Variants in ZNF431 observed in about 807,000 individuals in gnomAD.
ZNF431 encodes the protein zinc finger protein 431.
Under a neutral mutation model 57.0 loss-of-function variants are expected in ZNF431, and 34 were observed. The observed-to-expected ratio is 0.60, with a 90% CI of 0.45 to 0.79. The LOEUF (loss-of-function observed/expected upper bound fraction) is 0.79. Ranked by LOEUF, ZNF431 falls within the 30% of genes least tolerant of loss-of-function variation. The probability of loss-of-function intolerance (pLI) is 0.00; values close to 1 mark genes in which losing one functional copy is unlikely to be tolerated. For synonymous variants in ZNF431, 207 were observed against 220.3 expected (o/e 0.94, Z 0.54); for missense variants, 607 against 667.1 (o/e 0.91, Z 0.99).
At chr19:21,179,856 G>A (rs866998459) in intron 4 of ZNF431, among the ~76,000 whole-genome samples, 2 of 151,918 alleles carry the variant, frequency 1.3e-5, no homozygotes, top group Non-Finnish European at 2.9e-5. Flanking sequence ...CACCACGCCC[G>A]GCTACATTGT....
chr19:21,183,328 A>C lies in ZNF431; in HGVS notation c.1025A>C (p.Lys342Thr). 1 of 1,613,920 alleles carries C rather than the reference A, an allele frequency of 6.2e-7. No homozygotes were observed. The highest frequency in any genetic ancestry group is 1.1e-5 in the South Asian group (1 of 91,070). Residue 342 changes from lysine (K) to threonine (T), a missense_variant, in exon 5 of 5, where the codon AAA (lysine) becomes ACA (threonine). Physicochemically the swap from Lys to Thr is moderately conservative, Grantham distance 78 (BLOSUM62 -1). Coordinates refer to ENST00000311048, the MANE Select transcript of ZNF431 (RefSeq NM_133473.4). ...STHKFIHAGEKPYKCEECDKA... is the reference protein window; with the variant it reads ...STHKFIHAGETPYKCEECDKA... ...CATAAGTTCATTCATGCTGGAGAGA[A>C]ACCCTACAAATGTGAGGAATGTGAC... is the stretch of plus-strand genomic sequence containing the variant.
intron 4 of ZNF431, among the ~76,000 whole-genome samples, chr19:21,171,535 A>ATG (rs985887626): frequency 6.6e-6 from 1 of 151,718 alleles, no homozygotes; most frequent in Non-Finnish European, 1.5e-5. Context: ...ATCAGATTAT[A>ATG]TGTGTGTGTG....
intron 4 of ZNF431, among the ~76,000 whole-genome samples, chr19:21,180,548 C>T (rs1426385258): frequency 4.7e-5 from 7 of 147,404 alleles, no homozygotes; most frequent in Non-Finnish European, 1.1e-4. Context: ...TATGCTTTTA[C>T]TTCTTTCTCA....
At chr19:21,147,651 G>T (rs1360828806) in intron 2 of ZNF431, among the ~76,000 whole-genome samples, 1 of 151,502 alleles carries the variant, frequency 6.6e-6, no homozygotes, top group Non-Finnish European at 1.5e-5. Context: ...GGTTAGCTCT[G>T]TGTCATATAA....
intron 3 of ZNF431, among the ~76,000 whole-genome samples, chr19:21,167,164 CTTT>C (rs781098845): frequency 7.0e-6 from 1 of 142,456 alleles, no homozygotes. Flanking sequence ...GGCTAAAACA[CTTT>C]TTTTTTTTTT....
At chr19:21,156,420 T>C (rs1433671273) in intron 2 of ZNF431, among the ~76,000 whole-genome samples, 3 of 152,212 alleles carry the variant, frequency 2.0e-5, no homozygotes, top group Non-Finnish European at 4.4e-5. Flanking sequence ...AGCTTTGTTA[T>C]ATAGGTAAAA....
intron 4 of ZNF431, among the ~76,000 whole-genome samples, chr19:21,178,793 T>TG (rs1971128843): frequency 6.7e-6 from 1 of 148,570 alleles, no homozygotes; most frequent in African/African-American, 2.5e-5. Flanking sequence ...ACTTGAAGGT[T>TG]TGTGTGTGTG....
intron 2 of ZNF431, among the ~76,000 whole-genome samples, chr19:21,154,207 C>T (rs2144951386): frequency 6.6e-6 from 1 of 152,212 alleles, no homozygotes; most frequent in East Asian, 1.9e-4. Context: ...GTGTGATGTT[C>T]CCCTTCCTGT....
At chr19:21,167,506 A>C in intron 3 of ZNF431, 65 bp from the exon 4 acceptor site, 1 of 1,185,028 alleles carries the variant, frequency 8.4e-7, no homozygotes, top group African/African-American at 1.6e-5. Context: ...TTTACTGAGC[A>C]CAGTACTAGG....
chr19:21,181,585 G>A (rs989152962), intron 4 of ZNF431, among the ~76,000 whole-genome samples: 5 of 151,794 alleles, frequency 3.3e-5, no homozygotes, highest in African/African-American at 4.8e-5. Context: ...GTATCCTAGT[G>A]TATTTGTTGA....
chr19:21,149,509 C>T (rs1970204994), intron 2 of ZNF431: 1 of 170,482 alleles, frequency 5.9e-6, no homozygotes, highest in African/African-American at 2.4e-5. Context: ...TTTCATATCA[C>T]ACACACAACA....
At chr19:21,175,408 G>T (rs778773271) in intron 4 of ZNF431, 4 of 695,648 alleles carry the variant, frequency 5.8e-6, no homozygotes, top group South Asian at 4.5e-5. Flanking sequence ...CAGTTTTATT[G>T]TTGTTCTTTT....
At chr19:21,161,963 T>C (rs1186301639) in intron 2 of ZNF431, among the ~76,000 whole-genome samples, 1 of 151,840 alleles carries the variant, frequency 6.6e-6, no homozygotes, top group Non-Finnish European at 1.5e-5. Context: ...GTTCACCCCT[T>C]GTTTTTTGTT....
At chr19:21,153,758 C>A (rs1970342163) in intron 2 of ZNF431, among the ~76,000 whole-genome samples, 1 of 152,056 alleles carries the variant, frequency 6.6e-6, no homozygotes, top group African/African-American at 2.4e-5. Context: ...CTCTTGTTGT[C>A]CAGTTTGGAG....
Position 21,184,212 on chromosome 19 carries a change from TG to T in ZNF431, c.*180del. The T allele has an allele frequency of 1.9e-6, 1 of 536,476 alleles. No individual in the cohort carries two copies. The highest frequency in any genetic ancestry group is 3.0e-5 in the South Asian group (1 of 33,274). 33.2% of individuals were successfully genotyped at this position (536,476 alleles called of 1,614,324 possible). A position where few individuals can be genotyped will look rare whatever the true frequency, so the allele number is the denominator to read the frequency against. ...TAAAAATACAAAAATTATCTGGGTG[TG>T]GTGGCACGTGCCTGTATTCCCATCT... On this transcript the variant is annotated 3_prime_UTR_variant, in exon 5 of 5. Transcript: ENST00000311048.
Position 21,190,180 on chromosome 19 carries a change from T to C in ZNF431, c.*6146T>C. On this transcript the variant is annotated 3_prime_UTR_variant, in exon 5 of 5. Transcript: ENST00000311048. ...TGAGACTCGGTCTCAAGAGGGAAAA[T>C]AAGGCATTTTTCTCATTTAAATAAT... 3.3e-6 allele frequency: 1 copy of C among 307,670 alleles called. No individual in the cohort carries two copies. The highest frequency in any genetic ancestry group is 5.9e-6 in the Non-Finnish European group (1 of 170,116). 19.1% of individuals were successfully genotyped at this position (307,670 alleles called of 1,614,324 possible).
chr19:21,142,109 A>C lies in ZNF431; in HGVS notation c.-75A>C. 1 of 1,591,820 alleles carries C rather than the reference A, an allele frequency of 6.3e-7. No homozygotes were observed. The highest frequency in any genetic ancestry group is 1.7e-5 in the Admixed American group (1 of 59,794). On this transcript the variant is annotated 5_prime_UTR_variant, in exon 1 of 5. Coordinates refer to ENST00000311048, the MANE Select transcript of ZNF431 (RefSeq NM_133473.4). ...TGTGTCCTCTGCTCCTAGAGGCCCA[A>C]CATCTGTGGCCCTGTGACCTGCAGG...
At chr19:21,168,392 G>A (rs1970785328) in intron 4 of ZNF431, among the ~76,000 whole-genome samples, 1 of 149,794 alleles carries the variant, frequency 6.7e-6, no homozygotes, top group African/African-American at 2.5e-5. Context: ...TTTTGAGACA[G>A]AATCTCACTC....
At chr19:21,157,015 C>T (rs1028288881) in intron 2 of ZNF431, among the ~76,000 whole-genome samples, 19 of 152,262 alleles carry the variant, frequency 1.2e-4, no homozygotes, top group African/African-American at 4.3e-4. Flanking sequence ...TGAGCTAAGG[C>T]AATCCACCTG....
Sources: allele counts gnomAD v4.1 joint callset (sites outside exome capture counted in the v4.1 genomes callset), GRCh38; gene constraint gnomAD v4.1.1; transcripts MANE v1.5; gene names NCBI Gene and HGNC (gene_info 2026-07-23, HGNC 2026-07-21).